Variants in WWOX observed in about 807,000 individuals in gnomAD.
The protein encoded by WWOX is WW domain containing oxidoreductase, also known as WW domain-containing oxidoreductase.
In WWOX, 69 loss-of-function variants were observed where a neutral mutation model predicts 46.2. The observed-to-expected ratio is 1.49, with a 90% CI of 1.23 to 1.82. The LOEUF (loss-of-function observed/expected upper bound fraction) is 1.82. WWOX is among the 40% of genes most tolerant of loss of function. The pLI, the probability that WWOX is intolerant of heterozygous loss-of-function variation, is 0.00. For missense variants in WWOX, 919 were observed against 542.6 expected, an observed-to-expected ratio of 1.69 and a Z score of -6.89; for synonymous variants, 359 against 202.6, an observed-to-expected ratio of 1.77 and a Z score of -6.56.
intron 8 of WWOX, among the ~76,000 whole-genome samples, chr16:79,045,313 T>C (rs866523503): frequency 6.6e-6 from 1 of 152,182 alleles, no homozygotes; most frequent in South Asian, 2.1e-4. Flanking sequence ...TTGACCTACA[T>C]GGAAATGCAG....
rs139234521 is a variant in WWOX at position 78,750,276 on chromosome 16, T to C, written c.1056+317524T>C. ...AACTCCTATTCAGAGGCTCAGTTTC[T>C]CTGCAGGACAGAAATGAGAGGCACA... On this transcript the variant is annotated intron_variant, in intron 8 of 8. Transcript: ENST00000566780. 6.4e-3 allele frequency among the ~76,000 whole-genome samples: 980 copies of C among 152,278 alleles called. 12 individuals carry two copies. The highest frequency in any genetic ancestry group is 0.022 in the African/African-American group (927 of 41,550).
chr16:79,018,469 G>A (rs1351057047), intron 8 of WWOX, among the ~76,000 whole-genome samples: 1 of 152,116 alleles, frequency 6.6e-6, no homozygotes, highest in Admixed American at 6.5e-5. Flanking sequence ...GGGAGAAATT[G>A]CCACTTGGTC....
At chr16:78,141,573 C>T (rs1048176204) in intron 4 of WWOX, among the ~76,000 whole-genome samples, 4 of 151,484 alleles carry the variant, frequency 2.6e-5, no homozygotes, top group African/African-American at 4.9e-5. Flanking sequence ...TGTTCATAGA[C>T]ACTGAATTAA....
At chr16:78,599,379 G>A (rs2045568188) in intron 8 of WWOX, among the ~76,000 whole-genome samples, 1 of 152,166 alleles carries the variant, frequency 6.6e-6, no homozygotes, top group Non-Finnish European at 1.5e-5. Context: ...CATTAAATGG[G>A]AAGGAAACCA....
rs184680871 is a variant in WWOX, at chr16:78,864,352, G to A, written c.1057-347256G>A. On this transcript the variant is annotated intron_variant, in intron 8 of 8. Coordinates refer to ENST00000566780, the MANE Select transcript of WWOX (RefSeq NM_016373.4). ...TGCAGTCATGGTTCACTGCAGCCTC[G>A]ATCTCCTGGGGCTCAAGCCATCCTC... Among the ~76,000 whole-genome samples, 7 of 150,866 alleles carry A rather than the reference G, an allele frequency of 4.6e-5. No homozygotes were observed. The East Asian group carries it at 7.9e-4, about 17-fold the overall frequency.
intron 8 of WWOX, among the ~76,000 whole-genome samples, chr16:79,049,905 G>C (rs1412702880): frequency 6.6e-6 from 1 of 151,812 alleles, no homozygotes; most frequent in African/African-American, 2.4e-5. Flanking sequence ...CCATGCAGAA[G>C]GACATGGAGT....
intron 8 of WWOX, among the ~76,000 whole-genome samples, chr16:79,145,390 G>A (rs977562395): frequency 1.3e-5 from 2 of 152,084 alleles, no homozygotes; most frequent in Non-Finnish European, 2.9e-5. Context: ...TATTTTTAGA[G>A]ATGGTCTCAC....
At chr16:79,096,302 G>C (rs1490423120) in intron 8 of WWOX, among the ~76,000 whole-genome samples, 1 of 152,020 alleles carries the variant, frequency 6.6e-6, no homozygotes, top group Non-Finnish European at 1.5e-5. Flanking sequence ...CTTTCTGAAG[G>C]CGTCCCCTGT....
At chr16:78,960,746 A>C (rs1293142130) in intron 8 of WWOX, among the ~76,000 whole-genome samples, 1 of 152,190 alleles carries the variant, frequency 6.6e-6, no homozygotes, top group Non-Finnish European at 1.5e-5. Context: ...TTGTTCCAAA[A>C]GGAGCCTATG....
intron 5 of WWOX, among the ~76,000 whole-genome samples, chr16:78,173,573 C>T (rs548033330): frequency 5.7e-4 from 87 of 151,956 alleles, no homozygotes; most frequent in African/African-American, 2.1e-3. Flanking sequence ...GCTGGGATTA[C>T]AGGCATGGGC....
intron 8 of WWOX, among the ~76,000 whole-genome samples, chr16:78,689,101 C>G (rs564489086): frequency 2.6e-5 from 4 of 152,284 alleles, no homozygotes; most frequent in East Asian, 3.9e-4. Flanking sequence ...GGCATGAGAA[C>G]AGACTAATAC....
At chr16:78,680,750 A>T (rs547631047) in intron 8 of WWOX, among the ~76,000 whole-genome samples, 1 of 152,328 alleles carries the variant, frequency 6.6e-6, no homozygotes, top group East Asian at 1.9e-4. Flanking sequence ...AGAGTGTCCC[A>T]TTGCACAGTT....
chr16:78,499,696 C>T (rs1168500567), intron 8 of WWOX, among the ~76,000 whole-genome samples: 1 of 152,150 alleles, frequency 6.6e-6, no homozygotes, highest in Non-Finnish European at 1.5e-5. Flanking sequence ...AGGATAAGAA[C>T]CATGTCTTAT....
At chr16:79,054,639 TAGTG>T (rs2048229559) in intron 8 of WWOX, among the ~76,000 whole-genome samples, 1 of 152,202 alleles carries the variant, frequency 6.6e-6, no homozygotes, top group South Asian at 2.1e-4. Flanking sequence ...CTGGGCAACA[TAGTG>T]AGACCTTGTC....
intron 8 of WWOX, among the ~76,000 whole-genome samples, chr16:79,089,554 A>G (rs1218542033): frequency 6.6e-6 from 1 of 151,572 alleles, no homozygotes. Context: ...GTGGTCTCGA[A>G]CTCCTGACCT....
At chr16:79,024,698 G>T (rs191860153) in intron 8 of WWOX, among the ~76,000 whole-genome samples, 1 of 152,068 alleles carries the variant, frequency 6.6e-6, no homozygotes, top group South Asian at 2.1e-4. Context: ...GCCTCCCAAA[G>T]TGCTGGGATT....
intron 8 of WWOX, among the ~76,000 whole-genome samples, chr16:79,001,759 G>A (rs911431591): frequency 6.6e-6 from 1 of 152,082 alleles, no homozygotes; most frequent in African/African-American, 2.4e-5. Flanking sequence ...TTGTGCAGTG[G>A]GAAGTTGGAG....
intron 8 of WWOX, among the ~76,000 whole-genome samples, chr16:79,058,145 C>A (rs1257814882): frequency 6.7e-6 from 1 of 149,512 alleles, no homozygotes; most frequent in Non-Finnish European, 1.5e-5. Context: ...AAAAAAACTC[C>A]TTCTTCATTT....
At chr16:79,005,916 C>G (rs112988528) in intron 8 of WWOX, among the ~76,000 whole-genome samples, 1 of 152,150 alleles carries the variant, frequency 6.6e-6, no homozygotes, top group Non-Finnish European at 1.5e-5. Flanking sequence ...GAAGGCAGCC[C>G]TGGTCCCTGG....
Sources: allele counts gnomAD v4.1 joint callset (sites outside exome capture counted in the v4.1 genomes callset), GRCh38; gene constraint gnomAD v4.1.1; transcripts MANE v1.5; gene names NCBI Gene and HGNC (gene_info 2026-07-23, HGNC 2026-07-21).